CIROZ: variants seen among roughly 807,000 people sequenced by gnomAD.
CIROZ encodes ciliated left-right organizer ZP-N domains-containing protein.
At chr1:10,948,038 CA>C in the CIROZ span, 6 of 1,613,364 alleles carry the variant, frequency 3.7e-6, no homozygotes, top group South Asian at 2.2e-5. Flanking sequence ...GAAGAACTGC[CA>C]GGGGCGCTGC....
the CIROZ span, among the ~76,000 whole-genome samples, chr1:10,961,062 G>A: frequency 7.9e-5 from 12 of 152,350 alleles, no homozygotes; most frequent in East Asian, 1.5e-3. Context: ...TGGGGCATTG[G>A]GGCATCTGGG....
the CIROZ span, among the ~76,000 whole-genome samples, chr1:10,962,992 C>T: frequency 9.0e-4 from 137 of 152,176 alleles, 3 homozygotes; most frequent in South Asian, 0.025. Flanking sequence ...TGGTGTCATA[C>T]GCCTATAGTC....
the CIROZ span, among the ~76,000 whole-genome samples, chr1:10,968,045 G>A: frequency 1.2e-4 from 18 of 152,234 alleles, no homozygotes; most frequent in East Asian, 1.2e-3. Flanking sequence ...TGTAGTCCCA[G>A]CTACTCTGGA....
At chr1:10,956,896 G>A in the CIROZ span, 14 of 799,326 alleles carry the variant, frequency 1.8e-5, no homozygotes, top group East Asian at 2.6e-4. Flanking sequence ...GCATAGCCAA[G>A]GTTGGGACTG....
the CIROZ span, chr1:10,957,865 G>T: frequency 4.7e-6 from 6 of 1,269,080 alleles, no homozygotes; most frequent in South Asian, 7.2e-5. Flanking sequence ...GGGTCACGGG[G>T]AGGATAATCT....
chr1:10,971,163 A>G, the CIROZ span, among the ~76,000 whole-genome samples: 1 of 25,310 alleles, frequency 4.0e-5, no homozygotes, highest in Non-Finnish European at 7.7e-5. Context: ...AAAAAAAAGA[A>G]AAGGTAGAGT....
At chr1:10,981,203 C>A in the CIROZ span, among the ~76,000 whole-genome samples, 1 of 152,194 alleles carries the variant, frequency 6.6e-6, no homozygotes, top group African/African-American at 2.4e-5. Context: ...AATCCCAATA[C>A]TTTGGGAGGC....
At chr1:10,981,265 A>C in the CIROZ span, among the ~76,000 whole-genome samples, 3 of 152,186 alleles carry the variant, frequency 2.0e-5, no homozygotes, top group African/African-American at 7.2e-5. Context: ...CCTGGGCAAC[A>C]CAGTAAGACC....
At chr1:10,969,795 G>A in the CIROZ span, among the ~76,000 whole-genome samples, 1 of 152,202 alleles carries the variant, frequency 6.6e-6, no homozygotes, top group African/African-American at 2.4e-5. Context: ...TGACTGGGGT[G>A]GGCGTGGACG....
the CIROZ span, among the ~76,000 whole-genome samples, chr1:10,967,453 T>G: frequency 6.6e-6 from 1 of 152,234 alleles, no homozygotes; most frequent in African/African-American, 2.4e-5. Flanking sequence ...AAGCCCACCC[T>G]GACTACCCTC....
the CIROZ span, chr1:10,947,563 C>T: frequency 9.5e-7 from 1 of 1,057,542 alleles, no homozygotes; most frequent in Non-Finnish European, 1.3e-6. Context: ...AAGACGGCCC[C>T]CAGCCCCCAC....
At chr1:10,951,745 A>AAAAAAAAAAAAAAAAAAAAATATATATAT in the CIROZ span, among the ~76,000 whole-genome samples, 1 of 119,206 alleles carries the variant, frequency 8.4e-6, no homozygotes, top group African/African-American at 3.6e-5. Context: ...AAAAAAAAAA[A>AAAAAAAAAAAAAAAAAAAAATATATATAT]ATATATATAT....
At chr1:10,954,216 G>C in the CIROZ span, 1 of 1,487,700 alleles carries the variant, frequency 6.7e-7, no homozygotes. Flanking sequence ...AGCACTTTGG[G>C]AGGCTGAGGC....
chr1:10,967,086 C>T, the CIROZ span, among the ~76,000 whole-genome samples: 6,838 of 149,856 alleles, frequency 0.046, 488 homozygotes, highest in African/African-American at 0.16. Context: ...AAGGTGGAGG[C>T]TGCAGTGAGC....
the CIROZ span, chr1:10,970,190 T>C: frequency 5.8e-6 from 6 of 1,032,696 alleles, no homozygotes; most frequent in Non-Finnish European, 8.2e-6. Context: ...AAGAAGGAGC[T>C]CCTCTCAGCC....
the CIROZ span, among the ~76,000 whole-genome samples, chr1:10,955,610 A>C: frequency 2.0e-5 from 3 of 152,112 alleles, no homozygotes; most frequent in African/African-American, 7.2e-5. Flanking sequence ...TGGGAGGCCG[A>C]GGTGGGTGGA....
the CIROZ span, among the ~76,000 whole-genome samples, chr1:10,964,785 C>A: frequency 6.6e-6 from 1 of 152,320 alleles, no homozygotes; most frequent in Non-Finnish European, 1.5e-5. Context: ...CAGACGCCAA[C>A]ACGCCCGTCT....
At chr1:10,976,289 G>A in the CIROZ span, 1 of 1,331,808 alleles carries the variant, frequency 7.5e-7, no homozygotes, top group Non-Finnish European at 1.0e-6. Flanking sequence ...GTGGGGACAT[G>A]CACCGCCCAG....
At chr1:10,973,712 C>A in the CIROZ span, among the ~76,000 whole-genome samples, 1 of 152,088 alleles carries the variant, frequency 6.6e-6, no homozygotes, top group African/African-American at 2.4e-5. Flanking sequence ...TTGGGTGCCT[C>A]GGCAACCTCC....
Sources: allele counts gnomAD v4.1 joint callset (sites outside exome capture counted in the v4.1 genomes callset), GRCh38; gene constraint gnomAD v4.1.1; transcripts MANE v1.5; gene names NCBI Gene and HGNC (gene_info 2026-07-23, HGNC 2026-07-21).